The following KCNJ12 variants were observed in gnomAD, a reference collection of about 807,000 sequenced individuals.
KCNJ12 encodes the protein ATP-sensitive inward rectifier potassium channel 12.
Under a neutral mutation model 22.3 loss-of-function variants are expected in KCNJ12, and 2 were observed. That is an observed-to-expected ratio of 0.09 (90% CI 0.04 to 0.28). The LOEUF is 0.28. Among genes scored for constraint, KCNJ12 ranks in the 10% least tolerant of loss-of-function variants. The pLI is 1.00. For missense variants in KCNJ12, 155 were observed against 633.3 expected (o/e 0.24, Z 8.11); for synonymous variants, 117 against 261.4 (o/e 0.45, Z 5.33).
intron 1 of KCNJ12, among the ~76,000 whole-genome samples, chr17:21,405,560 G>A: frequency 6.6e-6 from 1 of 152,268 alleles, no homozygotes; most frequent in East Asian, 1.9e-4. Flanking sequence ...GCCTCAGGAA[G>A]GGGAAGTGCC....
chr17:21,387,705 A>G (rs1555558854), intron 1 of KCNJ12, among the ~76,000 whole-genome samples: 2 of 152,100 alleles, frequency 1.3e-5, no homozygotes, highest in African/African-American at 4.8e-5. Flanking sequence ...GGTATTTCCC[A>G]CAGGAGGCTG....
Position 21,415,318 on chromosome 17 carries a change from G to A in KCNJ12, c.-25G>A, listed in dbSNP as rs782079416. ...CCCTGCCTGGAGCTAGCCTGGGGGC[G>A]AGCCAGGGTCCCCCAACCCCCGGGA... On this transcript the variant is annotated 5_prime_UTR_variant, in exon 3 of 3. Transcript: ENST00000583088. 5.6e-6 allele frequency: 9 copies of A among 1,598,336 alleles called. No homozygotes were observed. The highest frequency in any genetic ancestry group is 2.2e-5 in the East Asian group (1 of 44,610).
chr17:21,406,617 C>A (rs1462138387), intron 1 of KCNJ12, among the ~76,000 whole-genome samples: 588 of 152,308 alleles, frequency 3.9e-3, no homozygotes, highest in African/African-American at 0.013. Context: ...TCAGAACAAG[C>A]TGAGAGAGGG....
At chr17:21,379,181 C>T (rs1904777483) in intron 1 of KCNJ12, among the ~76,000 whole-genome samples, 1 of 152,232 alleles carries the variant, frequency 6.6e-6, no homozygotes, top group South Asian at 2.1e-4. Context: ...AGCTCTGCAG[C>T]ACTGGGGCCG....
rs1206454065 is a variant in KCNJ12 at position 21,418,368 on chromosome 17, C to T, written c.*1724C>T. On this transcript the variant is annotated 3_prime_UTR_variant, in exon 3 of 3. Transcript: ENST00000583088. ...GAGACAGCTCAGAGCCAGAAGGCAC[C>T]GAGGACTCTGGCCCAAGTGGGGAAG... The T allele has an allele frequency of 2.5e-5, 4 of 161,722 alleles. No homozygotes were observed. The highest frequency in any genetic ancestry group is 4.3e-4 in the South Asian group (2 of 4,644). 10.0% of individuals were successfully genotyped at this position (161,722 alleles called of 1,614,324 possible). A position where few individuals can be genotyped will look rare whatever the true frequency, so the allele number is the denominator to read the frequency against.
At chr17:21,401,842 C>G (rs1337386592) in intron 1 of KCNJ12, among the ~76,000 whole-genome samples, 4 of 152,226 alleles carry the variant, frequency 2.6e-5, no homozygotes, top group Admixed American at 2.0e-4. Context: ...GACCCTTGGC[C>G]TGGTGGACTC....
At chr17:21,378,516 C>G (rs1462771173) in intron 1 of KCNJ12, among the ~76,000 whole-genome samples, 1 of 152,114 alleles carries the variant, frequency 6.6e-6, no homozygotes, top group Non-Finnish European at 1.5e-5. Context: ...GCCAAGCCGC[C>G]TGAGAGAGAG....
At position 21,416,559 on chromosome 17, in the gene KCNJ12, C is replaced by A. The variant is rs782407309; in HGVS notation, c.1217C>A (p.Pro406His). 65 of 1,606,584 alleles carry A rather than the reference C, an allele frequency of 4.0e-5. No individual in the cohort carries two copies. The highest frequency in any genetic ancestry group is 5.2e-5 in the Non-Finnish European group (61 of 1,175,770). ...GGCCGAAGCCGGGACGGCCTCAGCC[C>A]CCAGGCCAGGCATGACTTTGACAGA... is the stretch of plus-strand genomic sequence containing the variant. ...QDGRSRDGLS[P>H]QARHDFDRLQ... Residue 406 changes from proline to histidine, a missense_variant, in exon 3 of 3, where the codon CCC (proline) becomes CAC (histidine). Physicochemically the swap from Pro to His is moderately conservative, Grantham distance 77. Transcript: ENST00000583088.
chr17:21,411,034 C>T (rs1321621500), intron 2 of KCNJ12, among the ~76,000 whole-genome samples: 2 of 152,312 alleles, frequency 1.3e-5, no homozygotes, highest in Admixed American at 1.3e-4. Context: ...CCCTCCGAGT[C>T]CCTATGTCTT....
At chr17:21,413,143 GC>G (rs1487755566) in intron 2 of KCNJ12, among the ~76,000 whole-genome samples, 1 of 129,810 alleles carries the variant, frequency 7.7e-6, no homozygotes, top group East Asian at 2.1e-4. Context: ...GAGCTCAGAG[GC>G]CGCACCCGCT....
chr17:21,397,412 C>T (rs1428264210), intron 1 of KCNJ12, among the ~76,000 whole-genome samples: 3 of 152,172 alleles, frequency 2.0e-5, no homozygotes, highest in East Asian at 1.9e-4. Flanking sequence ...CTGTGGGGAG[C>T]GGATCACCGG....
At chr17:21,404,809 C>T (rs1165908131) in intron 1 of KCNJ12, among the ~76,000 whole-genome samples, 3 of 152,222 alleles carry the variant, frequency 2.0e-5, no homozygotes, top group South Asian at 2.1e-4. Context: ...ATAGAAATAC[C>T]GTCAGAAACA....
intron 1 of KCNJ12, among the ~76,000 whole-genome samples, chr17:21,400,354 C>A (rs75607765): frequency 6.6e-6 from 1 of 152,312 alleles, no homozygotes; most frequent in African/African-American, 2.4e-5. Context: ...TTGTTTCCAG[C>A]CCTGTTGACC....
intron 1 of KCNJ12, among the ~76,000 whole-genome samples, chr17:21,387,045 A>G (rs4985851): frequency 0.49 from 75,163 of 151,970 alleles, 19,793 homozygotes; most frequent in Non-Finnish European, 0.58. Flanking sequence ...AGTCCCAGCT[A>G]CTCAGGAGGC....
At position 21,415,666 on chromosome 17, in the gene KCNJ12, A is replaced by G. The variant is rs1555562511; in HGVS notation, c.324A>G (p.Ala108=). Residue 108 remains alanine (A), a synonymous_variant, in exon 3 of 3, where the codon GCA becomes GCG. Coordinates refer to ENST00000583088, the MANE Select transcript of KCNJ12 (RefSeq NM_021012.5). ...TCATCTTCTGGGTCATCGCGGTGGC[A>G]CACGGTGACCTGGAGCCGGCTGAGG... ...FGIIFWVIAV[A]HGDLEPAEGR... is the part of the protein sequence containing the mutation. 6.2e-7 allele frequency: 1 copy of G among 1,613,402 alleles called. No homozygotes were observed. Among genetic ancestry groups the G allele is most frequent in the Non-Finnish European group, 8.5e-7 (1 of 1,179,942 alleles).
chr17:21,413,247 G>C (rs1906478719), intron 2 of KCNJ12, among the ~76,000 whole-genome samples: 1 of 110,852 alleles, frequency 9.0e-6, no homozygotes, highest in African/African-American at 2.7e-5. Context: ...TATGGGACTG[G>C]GACAAGTCCA....
chr17:21,377,741 A>G lies in KCNJ12; in HGVS notation c.-179+828A>G, dbSNP rs139395226. On this transcript the variant is annotated intron_variant, in intron 1 of 2. Coordinates refer to ENST00000583088, the MANE Select transcript of KCNJ12 (RefSeq NM_021012.5). ...GCCTCGGTTTTGATCCAGCGTGCCC[A>G]TGTCATGTGAATATTTTAAAACCTG... Among the ~76,000 whole-genome samples, 994 of 152,254 alleles carry G rather than the reference A, an allele frequency of 6.5e-3. 11 individuals are homozygous for G. Among genetic ancestry groups the G allele is most frequent in the African/African-American group, 0.022 (915 of 41,556 alleles).
At chr17:21,406,462 G>A (rs1482155461) in intron 1 of KCNJ12, among the ~76,000 whole-genome samples, 1 of 152,426 alleles carries the variant, frequency 6.6e-6, no homozygotes. Flanking sequence ...TTTTGAGGAT[G>A]GAATGGCTGA....
At chr17:21,386,569 G>T (rs775794890) in intron 1 of KCNJ12, among the ~76,000 whole-genome samples, 1 of 152,128 alleles carries the variant, frequency 6.6e-6, no homozygotes. Flanking sequence ...GTGCAGTGGC[G>T]TGATCTCGGC....
Sources: gnomAD v4.1 joint callset for allele counts (sites outside exome capture counted in the v4.1 genomes callset) on GRCh38, gnomAD v4.1.1 for gene constraint, MANE v1.5 for transcripts, NCBI Gene and HGNC (gene_info 2026-07-23, HGNC 2026-07-21) for gene names.